Variants in SEMA4A observed in about 807,000 individuals in gnomAD.
The protein encoded by SEMA4A is semaphorin-4A.
SEMA4A carries 52 observed loss-of-function variants against 72.5 expected under a neutral mutation model. The observed-to-expected ratio is 0.72, with a 90% CI of 0.57 to 0.90. The LOEUF is 0.90. Ranked by LOEUF, SEMA4A falls within the 40% of genes least tolerant of loss-of-function variation. SEMA4A has a pLI of 0.00. For synonymous variants in SEMA4A, 369 were observed against 393.1 expected (o/e 0.94, Z 0.73); for missense variants, 926 against 959.7 (o/e 0.96, Z 0.46).
At chr1:156,175,055 G>A in intron 12 of SEMA4A, 31 bp from the exon 13 acceptor site, 1 of 1,614,208 alleles carries the variant, frequency 6.2e-7, no homozygotes, top group South Asian at 1.1e-5. Flanking sequence ...ATGTGGCTGG[G>A]GCTCCCTGAC....
At position 156,156,471 on chromosome 1, in the gene SEMA4A, C is replaced by T; in HGVS notation, c.197C>T (p.Thr66Ile). The T allele has an allele frequency of 1.2e-6, 2 of 1,614,158 alleles. No individual in the cohort carries two copies. Among genetic ancestry groups the T allele is most frequent in the East Asian group, 4.5e-5 (2 of 44,888 alleles). Residue 66 changes from threonine (T) to isoleucine (I), a missense_variant, in exon 3 of 15, where the codon ACT becomes ATT. By Grantham distance (89) the Thr-to-Ile change is moderately conservative (BLOSUM62 -1). Transcript: ENST00000368285. ...CAGAAGGGCCTCCAGGATTTTGACA[C>T]TCTGCTCCTGAGTGGTGATGGAAAT... The part of the protein sequence containing the change: ...FHQKGLQDFD[T>I]LLLSGDGNTL...
chr1:156,160,355 G>A (rs1653472032), intron 6 of SEMA4A, 88 bp from the exon 7 acceptor site: 2 of 1,037,272 alleles, frequency 1.9e-6, no homozygotes, highest in South Asian at 2.5e-5. Context: ...GACTGATATG[G>A]ATGCCAGCCC....
upstream of SEMA4A, among the ~76,000 whole-genome samples, chr1:156,150,645 C>T (rs1652460501): frequency 6.6e-6 from 1 of 152,082 alleles, no homozygotes; most frequent in African/African-American, 2.4e-5. Flanking sequence ...CCGTGTTCTG[C>T]AGGGGCTCAG....
Position 156,158,319 on chromosome 1 carries a change from G to A in SEMA4A, c.364-69G>A, listed in dbSNP as rs558809650. ...TACCTAGCCTTTCTCCTCAGTGAGG[G>A]GGCAGCCTCTGGGGGTCCAGCAATT... On this transcript the variant is annotated intron_variant, in intron 4 of 14. Transcript: ENST00000368285. 6 of 1,355,858 alleles carry A rather than the reference G, an allele frequency of 4.4e-6. No individual in the cohort carries two copies. The Admixed American group carries it at 5.0e-5, about 11-fold the overall frequency. 84.0% of individuals were successfully genotyped at this position (1,355,858 alleles called of 1,614,324 possible).
chr1:156,170,166 A>C (rs1036125753), intron 10 of SEMA4A, among the ~76,000 whole-genome samples: 1 of 151,656 alleles, frequency 6.6e-6, no homozygotes, highest in African/African-American at 2.4e-5. Flanking sequence ...TCTACAAATA[A>C]TAAAAAATTA....
chr1:156,176,414 T>C lies in SEMA4A; in HGVS notation c.1703T>C (p.Val568Ala), dbSNP rs1321398068. The C allele has an allele frequency of 1.9e-6, 3 of 1,613,256 alleles. No homozygotes were observed. Among genetic ancestry groups the C allele is most frequent in the Non-Finnish European group, 2.5e-6 (3 of 1,179,292 alleles). ...TTTCTTTCTCCTACAGTTAAAGAAG[T>C]CCTGGCTGTCCCCAACTCCATCCTG... ...PQSRPQIIKE[V>A]LAVPNSILEL... The change falls in exon 15 of 15, where the codon GTC becomes GCC. Residue 568 changes from valine (V) to alanine (A), a missense_variant. By Grantham distance (64) the Val-to-Ala change is moderately conservative. Transcript: ENST00000368285.
At chr1:156,167,923 GT>G (rs869141766) in intron 10 of SEMA4A, among the ~76,000 whole-genome samples, 1 of 134,248 alleles carries the variant, frequency 7.4e-6, no homozygotes, top group Non-Finnish European at 1.6e-5. Context: ...TTGTTTGTTT[GT>G]TTTTTGTTTT....
At chr1:156,174,241 T>C (rs907490313) in intron 11 of SEMA4A, among the ~76,000 whole-genome samples, 1 of 152,238 alleles carries the variant, frequency 6.6e-6, no homozygotes, top group Non-Finnish European at 1.5e-5. Flanking sequence ...AGTTCATTCA[T>C]TCCTTCAGGA....
At chr1:156,148,426 C>T (rs1483118817), upstream of SEMA4A, among the ~76,000 whole-genome samples, 1 of 152,212 alleles carries the variant, frequency 6.6e-6, no homozygotes, top group Non-Finnish European at 1.5e-5. Context: ...GGGTCCACTT[C>T]CGATTTCAGC....
chr1:156,161,168 G>C (rs1653590711), intron 8 of SEMA4A, 139 bp downstream of exon 8: 1 of 491,752 alleles, frequency 2.0e-6, no homozygotes, highest in Non-Finnish European at 3.4e-6. Flanking sequence ...GGTGGGGCGG[G>C]GGACAGCGGG....
At position 156,157,929 on chromosome 1, in the gene SEMA4A, T is replaced by C; in HGVS notation, c.301-141T>C. ...AGTAATAGCCATGGTCACAAACTGA[T>C]GTTATTACTGCCCATCAGCATGTCA... On this transcript the variant is annotated intron_variant, in intron 3 of 14. Coordinates refer to ENST00000368285, the MANE Select transcript of SEMA4A (RefSeq NM_022367.4). This position sits in a 1 kb window ranked among gnomAD's most constrained non-coding sequence, Gnocchi z 4.5. The C allele has an allele frequency of 1.4e-5, 11 of 777,570 alleles. 1 individual carries two copies. In the South Asian group the frequency reaches 1.6e-4, roughly 11 times the overall value. The allele number at this position is 777,570 out of a possible 1,614,324, so 48.2% of individuals were successfully genotyped here.
intron 10 of SEMA4A, among the ~76,000 whole-genome samples, chr1:156,169,407 C>CTTTT (rs766983966): frequency 2.3e-3 from 195 of 85,318 alleles, no homozygotes; most frequent in African/African-American, 4.4e-3. Context: ...CTTTTCTTTT[C>CTTTT]TTTTTTTTTT....
At chr1:156,174,997 G>A (rs1310991630) in intron 12 of SEMA4A, 57 bp downstream of exon 12, 16 of 1,614,096 alleles carry the variant, frequency 9.9e-6, no homozygotes, top group Admixed American at 1.7e-5. Context: ...TTGGGGGCCT[G>A]TTGGGCTGGC....
intron 3 of SEMA4A, 60 bp from the exon 4 acceptor site, chr1:156,158,010 A>G: frequency 6.4e-7 from 1 of 1,555,244 alleles, no homozygotes; most frequent in Non-Finnish European, 8.9e-7. Context: ...GAGGCAGGTC[A>G]CAGCTAGAAC....
In SEMA4A at chr1:156,176,570, G is replaced by A; in HGVS notation, c.1859G>A (p.Gly620Asp). Reference sequence around the variant, plus strand: ...CTGATAGTGCAGGATGGAGTTGGGGGTCTCTACCAGTGCTGGGCAACTGAG... The same window carrying A: ...CTGATAGTGCAGGATGGAGTTGGGGATCTCTACCAGTGCTGGGCAACTGAG... Reference protein sequence around the residue: ...LLLIVQDGVGGLYQCWATENG... With the variant: ...LLLIVQDGVGDLYQCWATENG... The change falls in exon 15 of 15, where the codon GGT (glycine) becomes GAT (aspartate). Residue 620 changes from glycine to aspartate, a missense_variant. Physicochemically the swap from Gly to Asp is moderately conservative, Grantham distance 94. Coordinates refer to ENST00000368285, the MANE Select transcript of SEMA4A (RefSeq NM_022367.4). The A allele has an allele frequency of 1.9e-6, 3 of 1,614,142 alleles. No homozygotes were observed.
chr1:156,174,998 T>C (rs1297686556), intron 12 of SEMA4A, 58 bp downstream of exon 12: 1 of 1,614,158 alleles, frequency 6.2e-7, no homozygotes. Context: ...TGGGGGCCTG[T>C]TGGGCTGGCT....
Position 156,163,076 on chromosome 1 carries a change from C to A in SEMA4A, c.1116C>A (p.Thr372=). 1 of 1,614,034 alleles carries A rather than the reference C, an allele frequency of 6.2e-7. No individual in the cohort carries two copies. The highest frequency in any genetic ancestry group is 8.5e-7 in the Non-Finnish European group (1 of 1,179,994). The change falls in exon 10 of 15, where the codon ACC becomes ACA. Residue 372 remains threonine, a synonymous_variant. Transcript: ENST00000368285. ...GGACTACTTATAGGGGCCCTGAGAC[C>A]AACCCCCGGCCAGGCAGTGTGAGTA... ...SRWTTYRGPE[T]NPRPGSCSVG...
Position 156,158,745 on chromosome 1 carries a change from C to T in SEMA4A, c.489C>T (p.Pro163=), listed in dbSNP as rs1653286840. Residue 163 remains proline (P), a synonymous_variant, in exon 6 of 15, where the codon CCC becomes CCT. Coordinates refer to ENST00000368285, the MANE Select transcript of SEMA4A (RefSeq NM_022367.4). ...AACTTCAAGATTCCTACCTGTTGCC[C>T]ATCTCGGAGGACAAGGTCATGGAGG... is the stretch of plus-strand genomic sequence containing the variant. The part of the protein sequence containing the change: ...FIELQDSYLL[P]ISEDKVMEGK... 2 of 1,613,886 alleles carry T rather than the reference C, an allele frequency of 1.2e-6. No individual in the cohort carries two copies. The highest frequency in any genetic ancestry group is 2.2e-5 in the East Asian group (1 of 44,888).
intron 6 of SEMA4A, among the ~76,000 whole-genome samples, chr1:156,159,534 G>C (rs1653382830): frequency 1.3e-5 from 2 of 152,162 alleles, no homozygotes; most frequent in Admixed American, 6.5e-5. Flanking sequence ...GAAGAGGCCT[G>C]AGACTGAGCC....
Sources: allele counts gnomAD v4.1 joint callset (sites outside exome capture counted in the v4.1 genomes callset), GRCh38; gene constraint gnomAD v4.1.1; non-coding constraint Gnocchi (gnomAD v3.1); transcripts MANE v1.5; gene names NCBI Gene and HGNC (gene_info 2026-07-23, HGNC 2026-07-21).